CDCP2: variants seen among roughly 807,000 people sequenced by gnomAD.
CDCP2 encodes CUB domain-containing protein 2.
In CDCP2, 31 loss-of-function variants were observed where a neutral mutation model predicts 31.0. The observed-to-expected ratio is 1.00, with a 90% CI of 0.75 to 1.35. The LOEUF (loss-of-function observed/expected upper bound fraction) is 1.35, where lower values mean the gene tolerates loss of function less well. Among genes scored for constraint, CDCP2 ranks in the 40% most tolerant of loss-of-function variants. The pLI, the probability that CDCP2 is intolerant of heterozygous loss-of-function variation, is 0.00. For synonymous variants in CDCP2, 206 were observed against 207.9 expected, an observed-to-expected ratio of 0.99 and a Z score of 0.08; for missense variants, 443 against 482.6, an observed-to-expected ratio of 0.92 and a Z score of 0.77.
At position 54,136,789 on chromosome 1, in the gene CDCP2, G is replaced by A. The variant is rs1659265801; in HGVS notation, c.1137C>T (p.Ser379=). The change falls in exon 5 of 6, where the codon AGC becomes AGT. Residue 379 remains serine, a synonymous_variant. Coordinates refer to ENST00000530059, the Ensembl canonical transcript of CDCP2. Reference sequence around the variant, plus strand: ...GGATCTGGAAGTCCGTGCGGGAGCAGCTCACGTTCATGGGCACCACTGGGA... The same window carrying A: ...GGATCTGGAAGTCCGTGCGGGAGCAACTCACGTTCATGGGCACCACTGGGA... 4 of 399,284 alleles carry A rather than the reference G, an allele frequency of 1.0e-5. No individual in the cohort carries two copies. The East Asian group carries it at 1.4e-4, about 14-fold the overall frequency. The allele number at this position is 399,284 out of a possible 1,614,324, so 24.7% of individuals were successfully genotyped here. A position where few individuals can be genotyped will look rare whatever the true frequency, so the allele number is the denominator to read the frequency against.
intron 1 of CDCP2, among the ~76,000 whole-genome samples, chr1:54,146,708 T>C (rs1659477896): frequency 6.6e-6 from 1 of 151,668 alleles, no homozygotes; most frequent in African/African-American, 2.4e-5. Context: ...TGGTACCAGG[T>C]TTAATACAGG....
chr1:54,145,402 G>T (rs190097226), intron 1 of CDCP2, among the ~76,000 whole-genome samples: 61 of 151,980 alleles, frequency 4.0e-4, no homozygotes, highest in Admixed American at 1.3e-3. Flanking sequence ...CTCCAGCCTG[G>T]GCAACAGAGC....
chr1:54,144,616 C>G (rs373663859), exon 2 of CDCP2: 13 of 1,614,214 alleles, frequency 8.1e-6, no homozygotes, highest in Non-Finnish European at 1.1e-5. Flanking sequence ...GGTGAGGCCC[C>G]ATTGTAGATC....
chr1:54,152,938 C>G (rs1557710512), upstream of CDCP2: 1 of 1,613,552 alleles, frequency 6.2e-7, no homozygotes, highest in South Asian at 1.1e-5. Flanking sequence ...CACCAGGGGC[C>G]CCCACAGGTC....
intron 2 of CDCP2, 103 bp downstream of exon 2, chr1:54,144,363 C>T (rs939126052): frequency 7.4e-6 from 8 of 1,078,570 alleles, no homozygotes; most frequent in Non-Finnish European, 1.1e-5. Flanking sequence ...CCAAATCCCC[C>T]CTTGAACTCC....
chr1:54,139,853 G>A (rs748191851), exon 4 of CDCP2: 15 of 1,613,948 alleles, frequency 9.3e-6, no homozygotes, highest in Non-Finnish European at 1.1e-5. Flanking sequence ...GTGGTGGCAG[G>A]TGGTGTCCAC....
At position 54,144,404 on chromosome 1, in the gene CDCP2, G is replaced by A; in HGVS notation, c.427+62C>T. The stretch of plus-strand genomic sequence containing the variant: ...TCAAGTAATCCTCCCACTTTGGCTT[G>A]CCAAAGCACCAGGATTACAGGTGTG... On this transcript the variant is annotated intron_variant, in intron 2 of 5. Transcript: ENST00000530059. 1 of 1,443,020 alleles carries A rather than the reference G, an allele frequency of 6.9e-7. No homozygotes were observed. The highest frequency in any genetic ancestry group is 9.4e-7 in the Non-Finnish European group (1 of 1,068,866). The allele number at this position is 1,443,020 out of a possible 1,614,324, so 89.4% of individuals were successfully genotyped here.
chr1:54,139,663 C>G lies in CDCP2; in HGVS notation c.1117+90G>C, dbSNP rs142232011. ...CCATTCATGGGGGGGGCAGGACAAA[C>G]TGGTGGGATGGAGGAAGGAGACTGC... On this transcript the variant is annotated intron_variant, in intron 4 of 5. Transcript: ENST00000530059. 2,520 of 1,613,194 alleles carry G rather than the reference C, an allele frequency of 1.6e-3. 39 individuals carry two copies. The highest frequency in any genetic ancestry group is 0.012 in the South Asian group (1,137 of 90,982).
intron 3 of CDCP2, 161 bp from the exon 4 acceptor site, chr1:54,140,267 T>A: frequency 1.6e-6 from 1 of 636,386 alleles, no homozygotes; most frequent in Non-Finnish European, 2.8e-6. Flanking sequence ...CCCAACTATC[T>A]GAAAGTTGGG....
At chr1:54,139,847 T>C (rs648573) in exon 4 of CDCP2, 36,450 of 1,613,832 alleles carry the variant, frequency 0.023, 488 homozygotes, top group Middle Eastern at 0.039. Context: ...TCACGGGTGG[T>C]GGCAGGTGGT....
At chr1:54,136,242 C>T (rs181831036) in intron 5 of CDCP2, among the ~76,000 whole-genome samples, 1 of 152,226 alleles carries the variant, frequency 6.6e-6, no homozygotes, top group Non-Finnish European at 1.5e-5. Flanking sequence ...CCTTGGGGAG[C>T]ACTGAAGGGA....
intron 1 of CDCP2, 32 bp from the exon 2 acceptor site, chr1:54,144,845 C>G: frequency 6.5e-7 from 1 of 1,543,908 alleles, no homozygotes; most frequent in Non-Finnish European, 8.8e-7. Flanking sequence ...GCTGAGACTC[C>G]GTGCTGGGGT....
chr1:54,151,251 C>T (rs991800789), intron 1 of CDCP2, among the ~76,000 whole-genome samples: 1 of 152,130 alleles, frequency 6.6e-6, no homozygotes, highest in Non-Finnish European at 1.5e-5. Flanking sequence ...TGACTGTGAG[C>T]ACTGATGAGC....
chr1:54,133,155 T>C (rs1227521685), exon 6 of CDCP2: 1 of 398,970 alleles, frequency 2.5e-6, no homozygotes, highest in African/African-American at 2.1e-5. Flanking sequence ...CCCCAGCCAG[T>C]GAGAGCCAGA....
At chr1:54,141,530 G>T (rs1659375708) in intron 2 of CDCP2, 97 bp from the exon 3 acceptor site, 2 of 1,077,532 alleles carry the variant, frequency 1.9e-6, no homozygotes, top group Non-Finnish European at 2.7e-6. Context: ...GCCCCCACAG[G>T]TATCTCATTA....
rs201625460 is a variant in CDCP2 at position 54,144,703 on chromosome 1, C to A, written c.190G>T (p.Glu64Ter). ...AAGGTGAGCAGCACCGAGGATCCCT[C>A]GGCCACCACGATCAGCCAGCTGCAC... Residue 64 changes from glutamate to a stop codon, truncating the protein, a stop_gained, in exon 2 of 6, where the codon GAG becomes TAG. Coordinates refer to ENST00000530059, the Ensembl canonical transcript of CDCP2. LOFTEE classifies it high-confidence loss of function. The A allele has an allele frequency of 4.3e-6, 7 of 1,614,240 alleles. No homozygotes were observed. The highest frequency in any genetic ancestry group is 5.1e-6 in the Non-Finnish European group (6 of 1,180,046).
At chr1:54,144,927 A>G (rs1307254327) in intron 1 of CDCP2, 114 bp from the exon 2 acceptor site, 7 of 702,776 alleles carry the variant, frequency 1.0e-5, no homozygotes, top group African/African-American at 1.8e-5. Flanking sequence ...GAGGGAACAC[A>G]TGGCCATGTG....
chr1:54,152,623 T>C (rs1258136772), intron 1 of CDCP2, among the ~76,000 whole-genome samples: 2 of 152,230 alleles, frequency 1.3e-5, no homozygotes, highest in East Asian at 3.8e-4. Flanking sequence ...TGAAGTTTGT[T>C]GTGCAGATTA....
At chr1:54,137,678 T>TGTGTGCGC (rs1659280575) in intron 4 of CDCP2, 1 of 124,882 alleles carries the variant, frequency 8.0e-6, no homozygotes, top group Non-Finnish European at 1.6e-5. Context: ...TGTGTGTGTG[T>TGTGTGCGC]GTGTGCGTGT....
Sources: gnomAD v4.1 joint callset for allele counts (sites outside exome capture counted in the v4.1 genomes callset) on GRCh38, gnomAD v4.1.1 for gene constraint, MANE v1.5 for transcripts, NCBI Gene and HGNC (gene_info 2026-07-23, HGNC 2026-07-21) for gene names.